The following TBC1D30 variants were observed in gnomAD, a reference collection of about 807,000 sequenced individuals.
TBC1D30 encodes TBC1 domain family, member 30.
Under a neutral mutation model 63.2 loss-of-function variants are expected in TBC1D30, and 31 were observed. The observed-to-expected ratio is 0.49, with a 90% CI of 0.37 to 0.66. The LOEUF (loss-of-function observed/expected upper bound fraction) is 0.66, where lower values mean the gene tolerates loss of function less well. Ranked by LOEUF, TBC1D30 falls within the 30% of genes least tolerant of loss-of-function variation. The pLI, the probability that TBC1D30 is intolerant of heterozygous loss-of-function variation, is 0.00. For synonymous variants in TBC1D30, 307 were observed against 361.5 expected, an observed-to-expected ratio of 0.85 and a Z score of 1.71; for missense variants, 810 against 953.6, an observed-to-expected ratio of 0.85 and a Z score of 1.98.
intron 2 of TBC1D30, chr12:64,786,101 A>G: frequency 8.1e-7 from 1 of 1,234,034 alleles, no homozygotes; most frequent in Non-Finnish European, 1.1e-6. Context: ...ATGTTAGGAA[A>G]GCTGAGCCAA....
At position 64,824,793 on chromosome 12, in the gene TBC1D30, C is replaced by T; in HGVS notation, c.-87C>T. Reference sequence around the variant, plus strand: ...GGGCCGGTCAGCCGCAGACACTCACCCAGCTCCGCGAGCTCAGCCGCTCAG... The same window carrying T: ...GGGCCGGTCAGCCGCAGACACTCACTCAGCTCCGCGAGCTCAGCCGCTCAG... On this transcript the variant is annotated 5_prime_UTR_variant, in exon 1 of 12. Coordinates refer to ENST00000539867, the MANE Select transcript of TBC1D30 (RefSeq NM_015279.2). 1.4e-6 allele frequency: 2 copies of T among 1,471,992 alleles called. No individual in the cohort carries two copies. The highest frequency in any genetic ancestry group is 2.1e-5 in the Admixed American group (1 of 47,222). The allele number at this position is 1,471,992 out of a possible 1,614,324, so 91.2% of individuals were successfully genotyped here.
At chr12:64,831,385 T>A (rs1412979246) in intron 4 of TBC1D30, among the ~76,000 whole-genome samples, 1 of 152,242 alleles carries the variant, frequency 6.6e-6, no homozygotes, top group Non-Finnish European at 1.5e-5. Flanking sequence ...AGAGATGAAG[T>A]ATCTCATATT....
chr12:64,859,918 C>T lies in TBC1D30; in HGVS notation c.1039-4750C>T, dbSNP rs190510418. On this transcript the variant is annotated intron_variant, in intron 8 of 11. Coordinates refer to ENST00000539867, the MANE Select transcript of TBC1D30 (RefSeq NM_015279.2). Reference sequence around the variant, plus strand: ...AAATCCTATTTGCCCATCTGGATGCCGCTCAATCTCCTCTCTTTCCCACTC... The same window carrying T: ...AAATCCTATTTGCCCATCTGGATGCTGCTCAATCTCCTCTCTTTCCCACTC... Among the ~76,000 whole-genome samples the T allele has an allele frequency of 2.1e-3, 321 of 152,064 alleles. 1 individual carries two copies. Among genetic ancestry groups the T allele is most frequent in the Middle Eastern group, 3.4e-3 (1 of 294 alleles).
At position 64,770,860 on chromosome 12, in the gene TBC1D30, C is replaced by T. The variant is rs890709115; in HGVS notation, c.-376+11211C>T. 9.9e-5 allele frequency among the ~76,000 whole-genome samples: 15 copies of T among 151,616 alleles called. No homozygotes were observed. In the South Asian group the frequency reaches 1.2e-3, roughly 13 times the overall value. ...CTGGGACTACAGGCGAATGCCACCA[C>T]ACCCAGCTAATTTTTTTTTTTTTTT... On this transcript the variant is annotated intron_variant, in intron 1 of 13. Coordinates refer to the TBC1D30 transcript ENST00000674237.
intron 3 of TBC1D30, 31 bp from the exon 4 acceptor site, chr12:64,830,346 G>T: frequency 6.7e-7 from 1 of 1,494,092 alleles, no homozygotes; most frequent in South Asian, 1.3e-5. Context: ...ATTCTACTTT[G>T]GCATTCTCCT....
intron 2 of TBC1D30, among the ~76,000 whole-genome samples, chr12:64,787,154 A>G (rs575951003): frequency 6.6e-6 from 1 of 152,202 alleles, no homozygotes; most frequent in Non-Finnish European, 1.5e-5. Flanking sequence ...AATGTAACCT[A>G]TCTCTTGCAT....
chr12:64,796,196 G>A (rs1026037042), intron 2 of TBC1D30, among the ~76,000 whole-genome samples: 2 of 146,084 alleles, frequency 1.4e-5, no homozygotes, highest in Admixed American at 6.9e-5. Flanking sequence ...TTATGACCTC[G>A]TTATAAAGGG....
chr12:64,775,528 C>T (rs1290835554), upstream of TBC1D30, among the ~76,000 whole-genome samples: 1 of 152,082 alleles, frequency 6.6e-6, no homozygotes, highest in Non-Finnish European at 1.5e-5. Flanking sequence ...TAAAAAAAGA[C>T]AAAGGGGGCA....
At chr12:64,834,323 G>A (rs184611508) in intron 5 of TBC1D30, among the ~76,000 whole-genome samples, 1 of 151,544 alleles carries the variant, frequency 6.6e-6, no homozygotes, top group East Asian at 1.9e-4. Flanking sequence ...CTGCTATTTA[G>A]CACTTAAGTT....
rs940562687 is a variant in TBC1D30, at chr12:64,879,854, C to T, written c.*4066C>T. 2.7e-5 allele frequency: 4 copies of T among 149,126 alleles called. No individual in the cohort carries two copies. The highest frequency in any genetic ancestry group is 4.4e-5 in the Non-Finnish European group (3 of 68,014). The allele number at this position is 149,126 out of a possible 1,614,324, so 9.2% of individuals were successfully genotyped here. Reference sequence around the variant, plus strand: ...AGTACTTGAGACTTGGTATCCTGAACTCAAAGAAATAGCCATTACTAGGTT... The same window carrying T: ...AGTACTTGAGACTTGGTATCCTGAATTCAAAGAAATAGCCATTACTAGGTT... On this transcript the variant is annotated 3_prime_UTR_variant, in exon 12 of 12. Coordinates refer to ENST00000539867, the MANE Select transcript of TBC1D30 (RefSeq NM_015279.2).
chr12:64,781,588 C>T (rs940314460), intron 1 of TBC1D30, among the ~76,000 whole-genome samples: 5 of 152,176 alleles, frequency 3.3e-5, no homozygotes, highest in African/African-American at 1.2e-4. Flanking sequence ...ATTCTAATTT[C>T]ACCTGAACAG....
chr12:64,830,551 T>C (rs1280747818), intron 4 of TBC1D30, 49 bp downstream of exon 4: 1 of 1,438,502 alleles, frequency 7.0e-7, no homozygotes, highest in African/African-American at 1.4e-5. Flanking sequence ...AGAAAGACTC[T>C]AAAAGCCAGT....
chr12:64,786,032 G>A, exon 2 of TBC1D30: 7 of 1,287,156 alleles, frequency 5.4e-6, no homozygotes, highest in Non-Finnish European at 7.1e-6. Flanking sequence ...TGCAGGCTGT[G>A]TCACAGAAGA....
chr12:64,866,959 G>A, intron 10 of TBC1D30, 56 bp downstream of exon 10: 1 of 1,505,056 alleles, frequency 6.6e-7, no homozygotes. Context: ...ACTACAATAA[G>A]AGTGATATTG....
rs949397897 is a variant in TBC1D30, at chr12:64,878,004, G to A, written c.*2216G>A. 5.9e-6 allele frequency: 1 copy of A among 170,898 alleles called. No individual in the cohort carries two copies. The highest frequency in any genetic ancestry group is 2.4e-5 in the African/African-American group (1 of 42,114). 10.6% of individuals were successfully genotyped at this position (170,898 alleles called of 1,614,324 possible). A position where few individuals can be genotyped will look rare whatever the true frequency, so the allele number is the denominator to read the frequency against. The stretch of plus-strand genomic sequence containing the variant: ...ACTTAGTATCAACAACACATGCTGT[G>A]CCCTGTGAACACTCTCCTCTCACCT... On this transcript the variant is annotated 3_prime_UTR_variant, in exon 12 of 12. Coordinates refer to ENST00000539867, the MANE Select transcript of TBC1D30 (RefSeq NM_015279.2).
intron 8 of TBC1D30, among the ~76,000 whole-genome samples, chr12:64,850,485 A>G (rs1310848159): frequency 6.6e-6 from 1 of 152,118 alleles, no homozygotes; most frequent in Non-Finnish European, 1.5e-5. Context: ...TTTAGCATGG[A>G]GCGGTGTTGA....
chr12:64,828,274 C>T (rs1421444241), intron 2 of TBC1D30, among the ~76,000 whole-genome samples, 170 bp from the exon 3 acceptor site: 1 of 152,200 alleles, frequency 6.6e-6, no homozygotes, highest in Non-Finnish European at 1.5e-5. Context: ...GGACGTGGCA[C>T]AGTAATAGCC....
At chr12:64,868,126 G>T in intron 10 of TBC1D30, 1 of 170,690 alleles carries the variant, frequency 5.9e-6, no homozygotes, top group South Asian at 1.6e-4. Context: ...TAGATCTCAT[G>T]AATCAGATCC....
intron 1 of TBC1D30, among the ~76,000 whole-genome samples, chr12:64,770,525 G>A (rs1870865735): frequency 6.6e-6 from 1 of 152,072 alleles, no homozygotes; most frequent in Non-Finnish European, 1.5e-5. Context: ...ACTGGCACTG[G>A]TCCCCACCTA....
Sources: allele counts gnomAD v4.1 joint callset (sites outside exome capture counted in the v4.1 genomes callset), GRCh38; gene constraint gnomAD v4.1.1; transcripts MANE v1.5; gene names NCBI Gene and HGNC (gene_info 2026-07-23, HGNC 2026-07-21).